ADAMTS18: variants seen among roughly 807,000 people sequenced by gnomAD.
ADAMTS18 encodes the protein ADAM metallopeptidase with thrombospondin type 1 motif 18, also known as A disintegrin and metalloproteinase with thrombospondin motifs 18.
In ADAMTS18, 157 loss-of-function variants were observed where a neutral mutation model predicts 165.9. The ratio of observed to expected loss-of-function variants is 0.95; its 90% CI spans 0.83 to 1.08. ADAMTS18 has a LOEUF of 1.08. Ranked by LOEUF, ADAMTS18 falls within the 50% of genes least tolerant of loss-of-function variation. The probability of loss-of-function intolerance (pLI) is 0.00; values close to 1 mark genes in which losing one functional copy is unlikely to be tolerated. For synonymous variants in ADAMTS18, 782 were observed against 578.2 expected (o/e 1.35, Z -5.06); for missense variants, 2,040 against 1,534.0 (o/e 1.33, Z -5.51).
chr16:77,297,820 A>C (rs2055503168), intron 17 of ADAMTS18, among the ~76,000 whole-genome samples: 1 of 152,002 alleles, frequency 6.6e-6, no homozygotes, highest in South Asian at 2.1e-4. Flanking sequence ...TTAACATGAA[A>C]TATCTCATAC....
Position 77,299,181 on chromosome 16 carries a change from A to G in ADAMTS18, c.2674+1082T>C, listed in dbSNP as rs530341243. 2.0e-5 allele frequency among the ~76,000 whole-genome samples: 3 copies of G among 152,364 alleles called. No individual in the cohort carries two copies. The East Asian group carries it at 5.8e-4, about 29-fold the overall frequency. ...TGATTTCAGTACAGAGGGATACAAA[A>G]TGATACTCACGGTATGTGAGTCTGT... On this transcript the variant is annotated intron_variant, in intron 17 of 22. Coordinates refer to ENST00000282849, the MANE Select transcript of ADAMTS18 (RefSeq NM_199355.4).
At chr16:77,400,522 C>A (rs969917865) in intron 3 of ADAMTS18, among the ~76,000 whole-genome samples, 1 of 149,982 alleles carries the variant, frequency 6.7e-6, no homozygotes, top group African/African-American at 2.5e-5. Context: ...CGCTCTGTCG[C>A]CCAGGCTGGA....
chr16:77,381,010 G>A (rs2057022203), intron 3 of ADAMTS18, among the ~76,000 whole-genome samples: 1 of 152,100 alleles, frequency 6.6e-6, no homozygotes, highest in South Asian at 2.1e-4. Context: ...GAGTAGCTGG[G>A]ATTACAAGTG....
intron 18 of ADAMTS18, among the ~76,000 whole-genome samples, chr16:77,296,847 CT>C (rs1437083824): frequency 6.6e-6 from 1 of 152,090 alleles, no homozygotes; most frequent in Non-Finnish European, 1.5e-5. Context: ...AAAAAGAGGT[CT>C]TCATATCCCA....
At chr16:77,301,241 C>T (rs187379629) in intron 16 of ADAMTS18, among the ~76,000 whole-genome samples, 3 of 151,232 alleles carry the variant, frequency 2.0e-5, no homozygotes, top group East Asian at 3.9e-4. Context: ...AAACATTCTT[C>T]TAACAACTCT....
At chr16:77,417,399 C>T (rs1409374844) in intron 3 of ADAMTS18, among the ~76,000 whole-genome samples, 3 of 152,126 alleles carry the variant, frequency 2.0e-5, no homozygotes, top group Non-Finnish European at 2.9e-5. Flanking sequence ...CCCAAAGTGA[C>T]TTTGACTTTG....
intron 11 of ADAMTS18, among the ~76,000 whole-genome samples, chr16:77,339,002 C>T (rs2056356357): frequency 6.6e-6 from 1 of 150,994 alleles, no homozygotes; most frequent in South Asian, 2.1e-4. Flanking sequence ...CTCATGTTGG[C>T]TGAGTATTCA....
At chr16:77,425,863 T>C (rs941961698) in intron 3 of ADAMTS18, among the ~76,000 whole-genome samples, 1 of 152,034 alleles carries the variant, frequency 6.6e-6, no homozygotes, top group Non-Finnish European at 1.5e-5. Flanking sequence ...GCCAAAATGA[T>C]GAAACCCCAT....
chr16:77,351,784 G>T (rs1230409019), intron 10 of ADAMTS18, among the ~76,000 whole-genome samples: 1 of 151,962 alleles, frequency 6.6e-6, no homozygotes, highest in Non-Finnish European at 1.5e-5. Flanking sequence ...GTACTGACTG[G>T]AGTACAGTAG....
At chr16:77,347,219 C>T (rs1405769781) in intron 10 of ADAMTS18, among the ~76,000 whole-genome samples, 1 of 152,140 alleles carries the variant, frequency 6.6e-6, no homozygotes, top group Non-Finnish European at 1.5e-5. Context: ...TAAATAGTAT[C>T]TAGTCTTTGG....
intron 10 of ADAMTS18, among the ~76,000 whole-genome samples, 180 bp from the exon 11 acceptor site, chr16:77,341,979 TG>T (rs1335892428): frequency 6.6e-6 from 1 of 152,124 alleles, no homozygotes; most frequent in Admixed American, 6.6e-5. Context: ...ACTATATAAG[TG>T]GGGGGTTTCT....
chr16:77,308,054 T>G (rs1187214736), intron 16 of ADAMTS18, among the ~76,000 whole-genome samples: 1 of 152,154 alleles, frequency 6.6e-6, no homozygotes, highest in Admixed American at 6.5e-5. Context: ...TATTTCTCAC[T>G]TACTATCATG....
At chr16:77,355,225 T>C (rs917423562) in intron 9 of ADAMTS18, among the ~76,000 whole-genome samples, 11 of 151,924 alleles carry the variant, frequency 7.2e-5, no homozygotes, top group Non-Finnish European at 1.6e-4. Flanking sequence ...TGTGTGTGTG[T>C]GTGTGTGTAT....
At chr16:77,382,027 T>C (rs2057038215) in intron 3 of ADAMTS18, among the ~76,000 whole-genome samples, 1 of 152,104 alleles carries the variant, frequency 6.6e-6, no homozygotes. Flanking sequence ...TGGGGTATAT[T>C]CTACGTACTT....
chr16:77,410,480 T>G (rs985371925), intron 3 of ADAMTS18, among the ~76,000 whole-genome samples: 1 of 152,046 alleles, frequency 6.6e-6, no homozygotes, highest in Non-Finnish European at 1.5e-5. Flanking sequence ...TATCAAGCAC[T>G]CCAAATAAGG....
rs201935168 is a variant in ADAMTS18 at position 77,293,091 on chromosome 16, A to G, written c.3174T>C (p.Ala1058=). Residue 1058 remains alanine (A), a synonymous_variant, in exon 20 of 23, where the codon GCT becomes GCC. Coordinates refer to ENST00000282849, the MANE Select transcript of ADAMTS18 (RefSeq NM_199355.4). ...CPKNSRLQWV[A]SSWSECSATC... ...TAATCCATACCTCGCTCCACGAAGAAGCGACCCACTGTAGCCGGCTGTTCT... is the reference window on the plus strand; with the variant it reads ...TAATCCATACCTCGCTCCACGAAGAGGCGACCCACTGTAGCCGGCTGTTCT... The G allele has an allele frequency of 2.4e-4, 382 of 1,614,048 alleles. No individual in the cohort carries two copies. Among genetic ancestry groups the G allele is most frequent in the Non-Finnish European group, 2.9e-4 (344 of 1,179,996 alleles).
chr16:77,424,723 T>C (rs1250057887), intron 3 of ADAMTS18, among the ~76,000 whole-genome samples: 1 of 152,232 alleles, frequency 6.6e-6, no homozygotes. Context: ...TTTTAACCTT[T>C]CTTGATGAAA....
chr16:77,297,241 G>C (rs769097868), intron 18 of ADAMTS18, 48 bp downstream of exon 18: 1 of 1,609,304 alleles, frequency 6.2e-7, no homozygotes, highest in East Asian at 2.2e-5. Flanking sequence ...CAACAATGAA[G>C]GCATACAAGT....
intron 22 of ADAMTS18, among the ~76,000 whole-genome samples, chr16:77,287,134 G>T (rs547409897): frequency 6.6e-6 from 1 of 152,234 alleles, no homozygotes; most frequent in East Asian, 1.9e-4. Flanking sequence ...TACCCAAGTG[G>T]AAGCTCCATA....
Sources: gnomAD v4.1 joint callset for allele counts (sites outside exome capture counted in the v4.1 genomes callset) on GRCh38, gnomAD v4.1.1 for gene constraint, MANE v1.5 for transcripts, NCBI Gene and HGNC (gene_info 2026-07-23, HGNC 2026-07-21) for gene names.